The following KANSL1L variants were observed in gnomAD, a reference collection of about 807,000 sequenced individuals.
KANSL1L encodes KAT8 regulatory NSL complex subunit 1 like, also known as KAT8 regulatory NSL complex subunit 1-like protein.
A neutral mutation model predicts 108.6 loss-of-function variants in KANSL1L; 25 were observed. The observed-to-expected ratio is 0.23, with a 90% CI of 0.17 to 0.32. The LOEUF (loss-of-function observed/expected upper bound fraction) is 0.32. Among genes scored for constraint, KANSL1L ranks in the 10% least tolerant of loss-of-function variants. The pLI is 1.00. For synonymous variants in KANSL1L, 405 were observed against 395.1 expected (o/e 1.03, Z -0.30); for missense variants, 1,137 against 1,125.7 (o/e 1.01, Z -0.14).
At chr2:210,165,674 T>C (rs1441973170) in intron 1 of KANSL1L, among the ~76,000 whole-genome samples, 1 of 152,190 alleles carries the variant, frequency 6.6e-6, no homozygotes, top group Non-Finnish European at 1.5e-5. Context: ...ATAGGTAGAC[T>C]GTAAAGTTAA....
At chr2:210,139,829 C>A (rs1451635822) in intron 2 of KANSL1L, among the ~76,000 whole-genome samples, 2 of 150,954 alleles carry the variant, frequency 1.3e-5, no homozygotes, top group African/African-American at 4.9e-5. Flanking sequence ...GCAACCTCAA[C>A]CTCCTGGGCT....
intron 3 of KANSL1L, among the ~76,000 whole-genome samples, chr2:210,127,648 A>G (rs974791859): frequency 4.0e-5 from 6 of 151,474 alleles, no homozygotes; most frequent in Non-Finnish European, 5.9e-5. Flanking sequence ...AAAATCAAAA[A>G]CTTAGCCAGG....
upstream of KANSL1L, among the ~76,000 whole-genome samples, chr2:210,172,469 G>A (rs1431216721): frequency 6.6e-6 from 1 of 152,194 alleles, no homozygotes; most frequent in Non-Finnish European, 1.5e-5. Context: ...ACTGGAATTG[G>A]AAAATTAGCT....
chr2:210,031,591 C>A, intron 8 of KANSL1L, 45 bp from the exon 9 acceptor site: 1 of 1,277,004 alleles, frequency 7.8e-7, no homozygotes, highest in Non-Finnish European at 1.1e-6. Flanking sequence ...TTCCTTAACA[C>A]AGACAGTGAA....
At chr2:210,103,889 T>C (rs2094820361) in intron 4 of KANSL1L, 1 of 278,238 alleles carries the variant, frequency 3.6e-6, no homozygotes, top group Non-Finnish European at 6.5e-6. Context: ...ACCAATTCCA[T>C]TACTTTACAT....
intron 1 of KANSL1L, among the ~76,000 whole-genome samples, chr2:210,169,304 C>A (rs778531012): frequency 6.6e-6 from 1 of 152,026 alleles, no homozygotes; most frequent in Non-Finnish European, 1.5e-5. Context: ...CACATACGTG[C>A]CAACAGAAAA....
At chr2:210,153,199 C>T (rs989002695) in intron 2 of KANSL1L, 5 of 215,094 alleles carry the variant, frequency 2.3e-5, no homozygotes, top group Non-Finnish European at 4.6e-5. Flanking sequence ...ACGAAAAATA[C>T]AAAAATTAGC....
chr2:210,029,208 A>G (rs969416773), intron 10 of KANSL1L: 2 of 366,040 alleles, frequency 5.5e-6, no homozygotes, highest in African/African-American at 2.1e-5. Flanking sequence ...CAAGCATACA[A>G]GCTTATTTTT....
chr2:210,037,776 C>T (rs765581382), intron 8 of KANSL1L, among the ~76,000 whole-genome samples: 8 of 152,050 alleles, frequency 5.3e-5, no homozygotes, highest in South Asian at 2.1e-4. Context: ...TGAAAAAGTA[C>T]GTCTGGGTTT....
At chr2:210,163,325 T>C (rs566070384) in intron 1 of KANSL1L, among the ~76,000 whole-genome samples, 5 of 152,036 alleles carry the variant, frequency 3.3e-5, no homozygotes. Flanking sequence ...AAAAAGAGAA[T>C]AAAAATGAAA....
At chr2:210,114,703 T>A (rs1257581548) in intron 3 of KANSL1L, among the ~76,000 whole-genome samples, 2 of 152,108 alleles carry the variant, frequency 1.3e-5, no homozygotes, top group Non-Finnish European at 2.9e-5. Flanking sequence ...GTTTTCTACA[T>A]AATTTAAGAA....
At chr2:210,120,482 T>C (rs975063503) in intron 3 of KANSL1L, among the ~76,000 whole-genome samples, 2 of 152,070 alleles carry the variant, frequency 1.3e-5, no homozygotes, top group African/African-American at 2.4e-5. Context: ...TTACACCACA[T>C]ACAAAAATTA....
chr2:210,114,832 T>C (rs1292709024), intron 3 of KANSL1L, among the ~76,000 whole-genome samples: 1 of 152,042 alleles, frequency 6.6e-6, no homozygotes, highest in Non-Finnish European at 1.5e-5. Context: ...AAATGAGTTT[T>C]TATATGTTAC....
intron 5 of KANSL1L, among the ~76,000 whole-genome samples, chr2:210,079,086 G>A (rs745508953): frequency 1.3e-5 from 2 of 152,010 alleles, no homozygotes; most frequent in Non-Finnish European, 2.9e-5. Context: ...GAGTAACTAG[G>A]ACTACAGGTG....
chr2:210,028,928 G>A lies in KANSL1L; in HGVS notation c.2313C>T (p.Asp771=). The A allele has an allele frequency of 6.2e-7, 1 of 1,608,666 alleles. No homozygotes were observed. Among genetic ancestry groups the A allele is most frequent in the Admixed American group, 1.7e-5 (1 of 59,684 alleles). ...RRRLRSESSY[D]IDNIVIPMSL... ...ACATGGGAATCACAATGTTATCTAT[G>A]TCATAAGAGCTCTCACTTCTCAATC... The change falls in exon 11 of 15, where the codon GAC becomes GAT. Residue 771 remains aspartate, a synonymous_variant. Transcript: ENST00000281772.
intron 6 of KANSL1L, among the ~76,000 whole-genome samples, chr2:210,066,955 T>A (rs1378556593): frequency 6.6e-6 from 1 of 152,188 alleles, no homozygotes; most frequent in African/African-American, 2.4e-5. Flanking sequence ...AGATTAACAT[T>A]TGAATCAGTT....
Position 210,040,510 on chromosome 2 carries a change from G to A in KANSL1L, c.1939C>T (p.His647Tyr). Residue 647 changes from histidine to tyrosine, a missense_variant, in exon 8 of 15, where the codon CAC becomes TAC. His to Tyr is a moderately conservative substitution (Grantham distance 83). Coordinates refer to ENST00000281772, the MANE Select transcript of KANSL1L (RefSeq NM_152519.4). ...GTCTTTTTTAACAGTGTTTCAAAGTGAAAATGAAGAGGCACATCTGGAAAA... is the reference window on the plus strand; with the variant it reads ...GTCTTTTTTAACAGTGTTTCAAAGTAAAAATGAAGAGGCACATCTGGAAAA... ...SLPSDVPLHF[H>Y]FETLLKKTEI... 1 of 1,528,106 alleles carries A rather than the reference G, an allele frequency of 6.5e-7. No homozygotes were observed. Among genetic ancestry groups the A allele is most frequent in the Non-Finnish European group, 8.9e-7 (1 of 1,123,736 alleles). The allele number at this position is 1,528,106 out of a possible 1,614,324, so 94.7% of individuals were successfully genotyped here.
At chr2:210,162,579 G>C (rs1322104178) in intron 1 of KANSL1L, among the ~76,000 whole-genome samples, 1 of 151,962 alleles carries the variant, frequency 6.6e-6, no homozygotes, top group Non-Finnish European at 1.5e-5. Context: ...CAGAGTCACT[G>C]GCATATAAAT....
chr2:210,036,194 CTTTT>C (rs1474099232), intron 8 of KANSL1L, among the ~76,000 whole-genome samples: 1 of 151,830 alleles, frequency 6.6e-6, no homozygotes, highest in Non-Finnish European at 1.5e-5. Context: ...TATATAATTT[CTTTT>C]TAAGATAGAG....
Sources: allele counts gnomAD v4.1 joint callset (sites outside exome capture counted in the v4.1 genomes callset), GRCh38; gene constraint gnomAD v4.1.1; transcripts MANE v1.5; gene names NCBI Gene and HGNC (gene_info 2026-07-23, HGNC 2026-07-21).